The following COL11A1 variants were observed in gnomAD, a reference collection of about 807,000 sequenced individuals.
COL11A1 encodes the protein collagen alpha-1(XI) chain.
Under a neutral mutation model 265.2 loss-of-function variants are expected in COL11A1, and 74 were observed. The observed-to-expected ratio is 0.28, with a 90% CI of 0.23 to 0.34. The LOEUF (loss-of-function observed/expected upper bound fraction) is 0.34. Ranked by LOEUF, COL11A1 falls within the 10% of genes least tolerant of loss-of-function variation. COL11A1 has a pLI of 1.00. For synonymous variants in COL11A1, 816 were observed against 727.6 expected (o/e 1.12, Z -1.96); for missense variants, 2,165 against 2,263.6 (o/e 0.96, Z 0.88).
intron 35 of COL11A1, among the ~76,000 whole-genome samples, chr1:102,976,318 A>G (rs1175518350): frequency 6.6e-5 from 1 of 15,256 alleles, no homozygotes; most frequent in Admixed American, 1.4e-3. Flanking sequence ...TTTTTTTTTG[A>G]GACAGAGTCT....
chr1:102,883,366 T>A, intron 63 of COL11A1, 55 bp from the exon 64 acceptor site: 1 of 1,048,036 alleles, frequency 9.5e-7, no homozygotes, highest in Admixed American at 1.7e-5. Flanking sequence ...CATTGTTGAA[T>A]GCATTAGATG....
At chr1:103,064,408 G>C (rs1670912433) in intron 4 of COL11A1, among the ~76,000 whole-genome samples, 1 of 151,992 alleles carries the variant, frequency 6.6e-6, no homozygotes, top group Non-Finnish European at 1.5e-5. Flanking sequence ...ACATAGAAGA[G>C]GGCCAGGCGC....
chr1:103,002,109 A>G, intron 23 of COL11A1, 140 bp from the exon 24 acceptor site: 2 of 778,650 alleles, frequency 2.6e-6, no homozygotes, highest in South Asian at 1.6e-5. Flanking sequence ...AAGGAATTTT[A>G]GAACACGATG....
chr1:102,939,607 G>A (rs1463046), intron 43 of COL11A1, among the ~76,000 whole-genome samples: 4,253 of 152,120 alleles, frequency 0.028, 207 homozygotes, highest in African/African-American at 0.097. Flanking sequence ...GGGAAGCTGA[G>A]GTGGGAGGAT....
At chr1:103,064,005 A>T (rs937552793) in intron 4 of COL11A1, among the ~76,000 whole-genome samples, 12 of 152,150 alleles carry the variant, frequency 7.9e-5, no homozygotes, top group African/African-American at 2.4e-4. Context: ...ACAATGAGAA[A>T]CCACAACATA....
chr1:102,919,948 C>A (rs1655785233), intron 49 of COL11A1, among the ~76,000 whole-genome samples: 1 of 151,986 alleles, frequency 6.6e-6, no homozygotes, highest in African/African-American at 2.4e-5. Flanking sequence ...ACTAGACATT[C>A]ATGGACTGCA....
chr1:102,930,256 A>G (rs986599637), intron 46 of COL11A1, among the ~76,000 whole-genome samples: 2 of 151,522 alleles, frequency 1.3e-5, no homozygotes, highest in African/African-American at 4.8e-5. Context: ...ATTATTTTGA[A>G]ATACGTCCCA....
chr1:103,001,167 G>A (rs1157934216), intron 24 of COL11A1: 2 of 397,456 alleles, frequency 5.0e-6, no homozygotes, highest in Non-Finnish European at 8.9e-6. Context: ...TTTCTGGAGT[G>A]GTATAAGTAT....
chr1:103,081,634 T>C (rs1249046673), intron 2 of COL11A1, among the ~76,000 whole-genome samples: 1 of 151,924 alleles, frequency 6.6e-6, no homozygotes. Context: ...AATGTCCTTC[T>C]ATGAAAAGTG....
chr1:103,050,739 C>T (rs1433173903), intron 4 of COL11A1, among the ~76,000 whole-genome samples: 1 of 152,048 alleles, frequency 6.6e-6, no homozygotes, highest in Non-Finnish European at 1.5e-5. Context: ...GTTTTATCTA[C>T]CTTTGGTCTT....
chr1:102,879,637 C>A, intron 66 of COL11A1, 46 bp downstream of exon 66: 1 of 1,545,876 alleles, frequency 6.5e-7, no homozygotes. Context: ...CGGTGACATG[C>A]TGCCTATCAT....
intron 24 of COL11A1, among the ~76,000 whole-genome samples, chr1:102,999,628 T>A (rs1236011055): frequency 6.6e-6 from 1 of 151,804 alleles, no homozygotes; most frequent in African/African-American, 2.4e-5. Context: ...ACTTAAATTT[T>A]ATGAAATATT....
At chr1:102,968,861 G>A (rs1185009740) in intron 37 of COL11A1, among the ~76,000 whole-genome samples, 4 of 152,060 alleles carry the variant, frequency 2.6e-5, no homozygotes, top group African/African-American at 4.8e-5. Context: ...TGTTAGAAGT[G>A]GAAGCTCCAG....
In COL11A1 at chr1:102,879,706, T is replaced by C; in HGVS notation, c.5251A>G (p.Lys1751Glu). 6.2e-7 allele frequency: 1 copy of C among 1,613,852 alleles called. No individual in the cohort carries two copies. Among genetic ancestry groups the C allele is most frequent in the Non-Finnish European group, 8.5e-7 (1 of 1,179,836 alleles). Residue 1751 changes from lysine to glutamate, a missense_variant, in exon 66 of 67, where the codon AAA (lysine) becomes GAA (glutamate). Lys to Glu is a moderately conservative substitution (Grantham distance 56, BLOSUM62 1). Transcript: ENST00000370096. ...EMSYDNNPFIKTLYDGCASRK... is the reference protein window; with the variant it reads ...EMSYDNNPFIETLYDGCASRK... ...ACCGCACAACCATCATACAGTGTTTTGATAAAAGGATTATTGTCATAGGAC... is the reference window on the plus strand; with the variant it reads ...ACCGCACAACCATCATACAGTGTTTCGATAAAAGGATTATTGTCATAGGAC...
At chr1:103,047,292 G>T (rs1343008355) in intron 4 of COL11A1, among the ~76,000 whole-genome samples, 2 of 152,108 alleles carry the variant, frequency 1.3e-5, no homozygotes, top group Non-Finnish European at 2.9e-5. Flanking sequence ...TTGAGCAGTG[G>T]TTTGTAGTTA....
chr1:102,878,149 T>C lies in COL11A1; in HGVS notation c.5291A>G (p.Glu1764Gly), dbSNP rs1649734700. Reference sequence around the variant, plus strand: ...TGTATTGATTTCAATGACAGTCTTTTCATAGCCTTTTCTGGACTGTAAAAT... The same window carrying C: ...TGTATTGATTTCAATGACAGTCTTTCCATAGCCTTTTCTGGACTGTAAAAT... The part of the protein sequence containing the change: ...YDGCASRKGY[E>G]KTVIEINTPK... Residue 1764 changes from glutamate (E) to glycine (G), a missense_variant, in exon 67 of 67, where the codon GAA becomes GGA. By Grantham distance (98) the Glu-to-Gly change is moderately conservative (BLOSUM62 -2). Transcript: ENST00000370096. The C allele has an allele frequency of 1.4e-5, 22 of 1,612,320 alleles. No individual in the cohort carries two copies. The highest frequency in any genetic ancestry group is 1.9e-5 in the Non-Finnish European group (22 of 1,178,914).
chr1:103,030,566 A>T (rs549703760), intron 5 of COL11A1, among the ~76,000 whole-genome samples: 1 of 152,116 alleles, frequency 6.6e-6, no homozygotes, highest in African/African-American at 2.4e-5. Flanking sequence ...CAAAAAAAAA[A>T]AATCCAAAAA....
chr1:102,904,468 C>T (rs1220668281), intron 54 of COL11A1, among the ~76,000 whole-genome samples: 1 of 152,062 alleles, frequency 6.6e-6, no homozygotes, highest in East Asian at 1.9e-4. Context: ...TTTTTGCAAC[C>T]TACTTATCTG....
At chr1:102,879,021 C>G in intron 66 of COL11A1, among the ~76,000 whole-genome samples, 1 of 152,012 alleles carries the variant, frequency 6.6e-6, no homozygotes, top group East Asian at 1.9e-4. Context: ...ATTTGCTTTA[C>G]TCTCTCTTCT....
Sources: gnomAD v4.1 joint callset for allele counts (sites outside exome capture counted in the v4.1 genomes callset) on GRCh38, gnomAD v4.1.1 for gene constraint, MANE v1.5 for transcripts, NCBI Gene and HGNC (gene_info 2026-07-23, HGNC 2026-07-21) for gene names.